KCNQ5: variants seen among roughly 807,000 people sequenced by gnomAD.
KCNQ5 encodes potassium voltage-gated channel subfamily Q member 5.
In KCNQ5, 30 loss-of-function variants were observed where a neutral mutation model predicts 98.2. That is an observed-to-expected ratio of 0.31 (90% CI 0.23 to 0.41). The LOEUF is 0.41. Ranked by LOEUF, KCNQ5 falls within the 10% of genes least tolerant of loss-of-function variation. KCNQ5 has a pLI of 1.00. For synonymous variants in KCNQ5, 458 were observed against 449.4 expected, an observed-to-expected ratio of 1.02 and a Z score of -0.24; for missense variants, 835 against 1,182.5, an observed-to-expected ratio of 0.71 and a Z score of 4.31.
chr6:72,858,878 C>G (rs879747186), intron 1 of KCNQ5, among the ~76,000 whole-genome samples: 1 of 152,028 alleles, frequency 6.6e-6, no homozygotes, highest in Non-Finnish European at 1.5e-5. Flanking sequence ...TAGTTAATTT[C>G]ATTGTGTCAA....
chr6:72,791,237 G>A (rs1351086808), intron 1 of KCNQ5, among the ~76,000 whole-genome samples: 1 of 152,150 alleles, frequency 6.6e-6, no homozygotes. Flanking sequence ...TAGAAAAGAG[G>A]CCAAAGTGTG....
At chr6:72,686,008 A>G (rs1767934135) in intron 1 of KCNQ5, among the ~76,000 whole-genome samples, 1 of 152,130 alleles carries the variant, frequency 6.6e-6, no homozygotes, top group Non-Finnish European at 1.5e-5. Flanking sequence ...TTCTTTGTGC[A>G]TGTTTAGAGA....
In KCNQ5 at chr6:72,707,005, A is replaced by G. The variant is rs181303189; in HGVS notation, c.398+84418A>G. Among the ~76,000 whole-genome samples the G allele has an allele frequency of 1.4e-3, 212 of 152,314 alleles. 9 individuals carry two copies. The highest frequency in any genetic ancestry group is 0.013 in the Admixed American group (197 of 15,300). The stretch of plus-strand genomic sequence containing the variant: ...ATCTTAACTGTTTCTTGGTTTTTAT[A>G]TCAGGGACAAAGATGTTTAGCTAAC... On this transcript the variant is annotated intron_variant, in intron 1 of 13. Coordinates refer to ENST00000370398, the MANE Select transcript of KCNQ5 (RefSeq NM_019842.4).
chr6:72,703,266 G>C (rs965243804), intron 1 of KCNQ5, among the ~76,000 whole-genome samples: 4 of 152,182 alleles, frequency 2.6e-5, no homozygotes, highest in South Asian at 4.1e-4. Flanking sequence ...TGCCCATGCT[G>C]CTCTTTATGT....
intron 1 of KCNQ5, among the ~76,000 whole-genome samples, chr6:72,642,761 T>C (rs778300557): frequency 1.3e-5 from 2 of 152,146 alleles, no homozygotes; most frequent in Non-Finnish European, 2.9e-5. Context: ...TTACTGGATA[T>C]GTACCCAAAG....
chr6:73,054,581 A>T (rs1772381880), intron 3 of KCNQ5, among the ~76,000 whole-genome samples: 2 of 152,360 alleles, frequency 1.3e-5, no homozygotes, highest in Admixed American at 1.3e-4. Context: ...AAACAGAATT[A>T]AAAACAAAAA....
chr6:72,769,745 T>C (rs906472722), intron 1 of KCNQ5, among the ~76,000 whole-genome samples: 1 of 152,116 alleles, frequency 6.6e-6, no homozygotes, highest in Non-Finnish European at 1.5e-5. Flanking sequence ...TTTCATAGCT[T>C]TGTCTGAAAA....
At chr6:72,937,974 C>A (rs1766024857) in intron 1 of KCNQ5, among the ~76,000 whole-genome samples, 1 of 152,138 alleles carries the variant, frequency 6.6e-6, no homozygotes, top group Non-Finnish European at 1.5e-5. Context: ...GTGAGCATAT[C>A]ACTCACTCTT....
intron 1 of KCNQ5, among the ~76,000 whole-genome samples, chr6:72,868,845 G>A (rs570343959): frequency 3.3e-5 from 5 of 152,312 alleles, no homozygotes; most frequent in Admixed American, 2.6e-4. Flanking sequence ...CAAGAAACAA[G>A]GTTGAGGGAC....
intron 3 of KCNQ5, chr6:73,055,565 A>T (rs1011716254): frequency 2.1e-6 from 3 of 1,414,166 alleles, no homozygotes; most frequent in African/African-American, 1.4e-5. Context: ...GAAGGACACT[A>T]TTGCCAGAGC....
intron 1 of KCNQ5, among the ~76,000 whole-genome samples, chr6:72,790,521 G>A (rs1371489456): frequency 2.0e-5 from 3 of 152,062 alleles, no homozygotes. Flanking sequence ...TGATGGGTGC[G>A]GTTCTTCACA....
At chr6:72,901,360 C>T (rs868259019) in intron 1 of KCNQ5, among the ~76,000 whole-genome samples, 7 of 152,000 alleles carry the variant, frequency 4.6e-5, no homozygotes, top group Non-Finnish European at 1.0e-4. Flanking sequence ...AATTAAGTCC[C>T]CGCTATTTAT....
At chr6:72,998,370 G>A (rs1283831677) in intron 1 of KCNQ5, among the ~76,000 whole-genome samples, 2 of 152,146 alleles carry the variant, frequency 1.3e-5, no homozygotes, top group African/African-American at 2.4e-5. Context: ...CTGAAGAATT[G>A]TTTTCTTAAA....
chr6:73,121,131 C>T (rs1437170404), intron 8 of KCNQ5, among the ~76,000 whole-genome samples: 3 of 152,076 alleles, frequency 2.0e-5, no homozygotes, highest in African/African-American at 4.8e-5. Context: ...TGGGACCCAG[C>T]GGATTAAAAT....
At chr6:72,723,130 A>G (rs1770063441) in intron 1 of KCNQ5, among the ~76,000 whole-genome samples, 1 of 152,168 alleles carries the variant, frequency 6.6e-6, no homozygotes, top group Non-Finnish European at 1.5e-5. Context: ...TGCTGGGATT[A>G]CAGGCATGAG....
At chr6:72,938,622 C>T (rs1224388401) in intron 1 of KCNQ5, among the ~76,000 whole-genome samples, 1 of 152,044 alleles carries the variant, frequency 6.6e-6, no homozygotes, top group Non-Finnish European at 1.5e-5. Context: ...TGACCTCAAG[C>T]AATCTCCCTG....
chr6:72,831,087 T>C (rs1776245159), intron 1 of KCNQ5, among the ~76,000 whole-genome samples: 1 of 152,178 alleles, frequency 6.6e-6, no homozygotes, highest in African/African-American at 2.4e-5. Flanking sequence ...CAACAGGTGC[T>C]GGAGAGGACG....
chr6:73,160,252 G>A (rs1309174920), intron 10 of KCNQ5, among the ~76,000 whole-genome samples: 5 of 151,970 alleles, frequency 3.3e-5, no homozygotes, highest in Non-Finnish European at 5.9e-5. Context: ...TCCTGACGTC[G>A]TGATCCACCC....
intron 1 of KCNQ5, among the ~76,000 whole-genome samples, chr6:72,895,459 T>A (rs1315394393): frequency 3.3e-5 from 5 of 151,698 alleles, no homozygotes; most frequent in African/African-American, 4.8e-5. Context: ...CACGATTTTT[T>A]AAAATAGGAC....
Sources: allele counts gnomAD v4.1 joint callset (sites outside exome capture counted in the v4.1 genomes callset), GRCh38; gene constraint gnomAD v4.1.1; transcripts MANE v1.5; gene names NCBI Gene and HGNC (gene_info 2026-07-23, HGNC 2026-07-21).